The following PCDHGB2 variants were observed in gnomAD, a reference collection of about 807,000 sequenced individuals.
PCDHGB2 encodes protocadherin gamma subfamily B, 2.
A neutral mutation model predicts 59.3 loss-of-function variants in PCDHGB2; 55 were observed. The observed-to-expected ratio is 0.93, with a 90% CI of 0.75 to 1.16. PCDHGB2 has a LOEUF of 1.16. PCDHGB2 is among the 50% of genes most tolerant of loss of function. The pLI, the probability that PCDHGB2 is intolerant of heterozygous loss-of-function variation, is 0.00. For missense variants in PCDHGB2, 1,228 were observed against 1,198.5 expected (o/e 1.02, Z -0.36); for synonymous variants, 516 against 512.0 (o/e 1.01, Z -0.11).
chr5:141,481,913 C>CAAAAAAAAAAAAA (rs34114744), intron 1 of PCDHGB2, among the ~76,000 whole-genome samples: 1 of 90,852 alleles, frequency 1.1e-5, no homozygotes. Flanking sequence ...AACTCCATCT[C>CAAAAAAAAAAAAA]AAAAAAAAAA....
intron 1 of PCDHGB2, among the ~76,000 whole-genome samples, chr5:141,481,913 C>CAAAA (rs34114744): frequency 1.1e-5 from 1 of 90,846 alleles, no homozygotes; most frequent in African/African-American, 4.2e-5. Context: ...AACTCCATCT[C>CAAAA]AAAAAAAAAA....
At chr5:141,498,419 G>A (rs78940285) in intron 2 of PCDHGB2, among the ~76,000 whole-genome samples, 4,023 of 152,260 alleles carry the variant, frequency 0.026, 75 homozygotes, top group Non-Finnish European at 0.043. Flanking sequence ...TGCTGGCACT[G>A]GAGTGAGGGG....
Position 141,490,920 on chromosome 5 carries a change from T to A in PCDHGB2, c.2422-3887T>A. 1.2e-6 allele frequency: 2 copies of A among 1,613,638 alleles called. No homozygotes were observed. The highest frequency in any genetic ancestry group is 1.7e-6 in the Non-Finnish European group (2 of 1,179,684). The stretch of plus-strand genomic sequence containing the variant: ...TGTTTGTCCTAGACGAGAATGATAA[T>A]GCCCCAGCTGTGCTGCACCCACGGC... On this transcript the variant is annotated intron_variant, in intron 1 of 3. Coordinates refer to ENST00000522605, the MANE Select transcript of PCDHGB2 (RefSeq NM_018923.3). This position sits in a 1 kb window ranked among gnomAD's most constrained non-coding sequence, Gnocchi z 5.4.
rs1051300319 is a variant in PCDHGB2 at position 141,491,957 on chromosome 5, A to T, written c.2422-2850A>T. ...GACCGACCCCCACCCCTACACTCAA[A>T]AAAGGCCGGGGCCTCCTTCGAGCTT... is the stretch of plus-strand genomic sequence containing the variant. On this transcript the variant is annotated intron_variant, in intron 1 of 3. Coordinates refer to ENST00000522605, the MANE Select transcript of PCDHGB2 (RefSeq NM_018923.3). The surrounding 1 kb of genome is among the most constrained non-coding windows in gnomAD (Gnocchi z 6.9). 3.6e-5 allele frequency: 37 copies of T among 1,020,096 alleles called. No individual in the cohort carries two copies. The highest frequency in any genetic ancestry group is 5.0e-5 in the Non-Finnish European group (37 of 736,248). The allele number at this position is 1,020,096 out of a possible 1,614,324, so 63.2% of individuals were successfully genotyped here.
At chr5:141,412,779 C>A (rs966431850) in intron 1 of PCDHGB2, among the ~76,000 whole-genome samples, 6 of 152,168 alleles carry the variant, frequency 3.9e-5, no homozygotes, top group Non-Finnish European at 7.3e-5. Context: ...ACAATATTTT[C>A]ACTCCACTTT....
chr5:141,403,634 A>C, intron 1 of PCDHGB2: 1 of 1,613,920 alleles, frequency 6.2e-7, no homozygotes, highest in Non-Finnish European at 8.5e-7. Context: ...CACAGTGCGC[A>C]TCCATGTGAC....
rs773499765 is a variant in PCDHGB2 at position 141,489,626 on chromosome 5, A to T, written c.2422-5181A>T. 6.2e-6 allele frequency: 10 copies of T among 1,613,568 alleles called. No individual in the cohort carries two copies. In the South Asian group the frequency reaches 9.9e-5, roughly 16 times the overall value. On this transcript the variant is annotated intron_variant, in intron 1 of 3. Coordinates refer to ENST00000522605, the MANE Select transcript of PCDHGB2 (RefSeq NM_018923.3). The surrounding 1 kb of genome is among the most constrained non-coding windows in gnomAD (Gnocchi z 4.5). The stretch of plus-strand genomic sequence containing the variant: ...GTAGAGATCCTGGATCTCAATGACA[A>T]CTCTCCTAGCTTTGCCACCCCTGAG...
At chr5:141,510,134 C>T (rs1273076437) in intron 3 of PCDHGB2, among the ~76,000 whole-genome samples, 1 of 152,064 alleles carries the variant, frequency 6.6e-6, no homozygotes, top group East Asian at 1.9e-4. Context: ...ATTAGCTGGG[C>T]TAGTGGTGTG....
At chr5:141,419,656 G>A (rs1374057056) in intron 1 of PCDHGB2, 15 of 1,612,528 alleles carry the variant, frequency 9.3e-6, no homozygotes, top group Non-Finnish European at 8.5e-6. Context: ...CGGACTCGGG[G>A]CACAATGCCT....
rs752604165 is a variant in PCDHGB2, at chr5:141,494,771, G to A, written c.2422-36G>A. On this transcript the variant is annotated intron_variant, in intron 1 of 3. Coordinates refer to ENST00000522605, the MANE Select transcript of PCDHGB2 (RefSeq NM_018923.3). ...CTCGGGTGACATTCTAACTTCTCAC[G>A]GGTACTCAGCCCCTTTCCCTCTGTT... 74 of 1,613,730 alleles carry A rather than the reference G, an allele frequency of 4.6e-5. No homozygotes were observed. The East Asian group carries it at 1.6e-3, about 36-fold the overall frequency.
chr5:141,418,810 A>G lies in PCDHGB2; in HGVS notation c.2421+56254A>G, dbSNP rs149866479. The G allele has an allele frequency of 4.9e-3, 7,975 of 1,613,892 alleles. 44 individuals carry two copies. Among genetic ancestry groups the G allele is most frequent in the Admixed American group, 9.4e-3 (567 of 60,018 alleles). On this transcript the variant is annotated intron_variant, in intron 1 of 3. Coordinates refer to ENST00000522605, the MANE Select transcript of PCDHGB2 (RefSeq NM_018923.3). ...TTGAAGAAGTAGAAAGATATACGAT[A>G]AACATAGAAGCAAAAGACCGAGGAT...
intron 1 of PCDHGB2, among the ~76,000 whole-genome samples, chr5:141,434,854 A>G (rs2097723190): frequency 6.6e-6 from 1 of 151,936 alleles, no homozygotes; most frequent in Admixed American, 6.6e-5. Context: ...ACATCAATAA[A>G]TTTATATATA....
chr5:141,423,746 T>G, intron 1 of PCDHGB2: 2 of 384,794 alleles, frequency 5.2e-6, no homozygotes, highest in Non-Finnish European at 6.6e-6. Flanking sequence ...TTATGAAAAC[T>G]GTTTGGGGGG....
intron 1 of PCDHGB2, among the ~76,000 whole-genome samples, chr5:141,444,150 GGA>G (rs1471930589): frequency 1.6e-4 from 18 of 114,012 alleles, no homozygotes; most frequent in Non-Finnish European, 2.3e-4. Context: ...TGTGTGTACT[GGA>G]TTTTTTTTTT....
At chr5:141,366,041 G>A (rs755866285) in intron 1 of PCDHGB2, 5 of 1,614,114 alleles carry the variant, frequency 3.1e-6, no homozygotes, top group Admixed American at 3.3e-5. Flanking sequence ...CCCCACAGAC[G>A]GTTCCACGGG....
chr5:141,371,271 A>C (rs1251715871), intron 1 of PCDHGB2: 2 of 1,613,938 alleles, frequency 1.2e-6, no homozygotes, highest in Non-Finnish European at 1.7e-6. Flanking sequence ...ACAACTGTTC[A>C]AGCTGGACAG....
chr5:141,490,938 C>A lies in PCDHGB2; in HGVS notation c.2422-3869C>A. 1.2e-6 allele frequency: 2 copies of A among 1,613,672 alleles called. No individual in the cohort carries two copies. Among genetic ancestry groups the A allele is most frequent in the Non-Finnish European group, 1.7e-6 (2 of 1,179,760 alleles). On this transcript the variant is annotated intron_variant, in intron 1 of 3. Coordinates refer to ENST00000522605, the MANE Select transcript of PCDHGB2 (RefSeq NM_018923.3). The surrounding 1 kb of genome is among the most constrained non-coding windows in gnomAD (Gnocchi z 5.4). ...ATGATAATGCCCCAGCTGTGCTGCA[C>A]CCACGGCCAGACTGGGAACACTCAG... is the stretch of plus-strand genomic sequence containing the variant.
At chr5:141,383,430 C>T in intron 1 of PCDHGB2, 1 of 1,614,016 alleles carries the variant, frequency 6.2e-7, no homozygotes, top group Non-Finnish European at 8.5e-7. Context: ...CCAATCGCCA[C>T]TTCTCCCTGG....
At chr5:141,404,347 C>T (rs1451476815) in intron 1 of PCDHGB2, 6 of 1,613,796 alleles carry the variant, frequency 3.7e-6, no homozygotes, top group African/African-American at 2.7e-5. Context: ...CGGAAAACAA[C>T]GCCAGAGGTA....
Sources: gnomAD v4.1 joint callset for allele counts (sites outside exome capture counted in the v4.1 genomes callset) on GRCh38, gnomAD v4.1.1 for gene constraint, Gnocchi (gnomAD v3.1) non-coding constraint, MANE v1.5 for transcripts, NCBI Gene and HGNC (gene_info 2026-07-23, HGNC 2026-07-21) for gene names.